DOP1A: variants seen among roughly 807,000 people sequenced by gnomAD.
The protein encoded by DOP1A is DOP1 leucine zipper like protein A, also known as protein DOP1A.
DOP1A carries 90 observed loss-of-function variants against 267.6 expected under a neutral mutation model. The observed-to-expected ratio is 0.34, with a 90% CI of 0.28 to 0.40. The LOEUF (loss-of-function observed/expected upper bound fraction) is 0.40. DOP1A is among the 10% of genes least tolerant of loss of function. DOP1A has a pLI of 1.00. For missense variants in DOP1A, 2,437 were observed against 2,900.4 expected, an observed-to-expected ratio of 0.84 and a Z score of 3.67; for synonymous variants, 932 against 999.1, an observed-to-expected ratio of 0.93 and a Z score of 1.27.
intron 1 of DOP1A, among the ~76,000 whole-genome samples, chr6:83,086,080 C>A (rs536698029): frequency 6.6e-6 from 1 of 151,802 alleles, no homozygotes; most frequent in Non-Finnish European, 1.5e-5. Flanking sequence ...TAGGAGATAA[C>A]CTAAAGGGAA....
rs1244161996 is a variant in DOP1A at position 83,138,014 on chromosome 6, C to A, written c.3972C>A (p.Phe1324Leu). Residue 1324 changes from phenylalanine to leucine, a missense_variant, in exon 21 of 39, where the codon TTC becomes TTA. Coordinates refer to ENST00000349129, the MANE Select transcript of DOP1A (RefSeq NM_015018.4). ...AAAAACTCAAACAAACCAGTGTATT[C>A]TTCAGTGATGGTCTGGATTTAGAGA... ...SNEKLKQTSV[F>L]FSDGLDLENW... is the part of the protein sequence containing the mutation. The A allele has an allele frequency of 3.7e-6, 6 of 1,609,300 alleles. No individual in the cohort carries two copies. Among genetic ancestry groups the A allele is most frequent in the Non-Finnish European group, 5.1e-6 (6 of 1,178,352 alleles).
intron 1 of DOP1A, among the ~76,000 whole-genome samples, chr6:83,096,518 T>G (rs1259909210): frequency 6.6e-6 from 1 of 151,226 alleles, no homozygotes; most frequent in East Asian, 1.9e-4. Flanking sequence ...ATTTATTTGT[T>G]TTTCTTTCTT....
chr6:83,110,382 A>T (rs1162715918), intron 6 of DOP1A, 68 bp downstream of exon 6: 2 of 1,464,756 alleles, frequency 1.4e-6, no homozygotes, highest in Non-Finnish European at 1.9e-6. Flanking sequence ...TTCCAGACAT[A>T]TATTGAGGAT....
intron 3 of DOP1A, among the ~76,000 whole-genome samples, chr6:83,100,361 A>G (rs117925072): frequency 8.8e-4 from 134 of 152,296 alleles, no homozygotes; most frequent in Non-Finnish European, 1.7e-3. Flanking sequence ...TTTCCATGTT[A>G]CATGTTCATG....
rs546897820 is a variant in DOP1A, at chr6:83,114,414, G to C, written c.780+993G>C. ...CTAAATTTACCAATGCTCTATTATAGGGATGGCCAAACAGCAGCTCATAAG... is the reference window on the plus strand; with the variant it reads ...CTAAATTTACCAATGCTCTATTATACGGATGGCCAAACAGCAGCTCATAAG... On this transcript the variant is annotated intron_variant, in intron 7 of 38. Coordinates refer to ENST00000349129, the MANE Select transcript of DOP1A (RefSeq NM_015018.4). Among the ~76,000 whole-genome samples, 9 of 152,182 alleles carry C rather than the reference G, an allele frequency of 5.9e-5. No individual in the cohort carries two copies. In the South Asian group the frequency reaches 1.9e-3, roughly 32 times the overall value.
At chr6:83,145,970 T>C (rs986635824) in intron 25 of DOP1A, among the ~76,000 whole-genome samples, 1 of 152,194 alleles carries the variant, frequency 6.6e-6, no homozygotes, top group Non-Finnish European at 1.5e-5. Context: ...AAGCCAGAGC[T>C]CAAGATTTGC....
intron 4 of DOP1A, among the ~76,000 whole-genome samples, chr6:83,102,668 G>A (rs190135839): frequency 9.6e-4 from 146 of 152,166 alleles, no homozygotes; most frequent in Admixed American, 2.0e-4. Flanking sequence ...CTTCTACCCT[G>A]TTCTCCACAT....
chr6:83,132,746 A>T (rs1175634174), intron 18 of DOP1A, among the ~76,000 whole-genome samples: 1 of 152,186 alleles, frequency 6.6e-6, no homozygotes, highest in African/African-American at 2.4e-5. Flanking sequence ...GAATGCTAAT[A>T]TGTGAGATTA....
Position 83,168,144 on chromosome 6 carries a change from C to A in DOP1A, c.7375C>A (p.Leu2459Met), listed in dbSNP as rs544688632. The change falls in exon 39 of 39, where the codon CTG becomes ATG. Residue 2459 changes from leucine (L) to methionine (M), a missense_variant. Transcript: ENST00000349129. ...AGAAGAGATGGTAGAAAAAGATTTT[C>A]TGGAAGGGATGATAAAAACTTGAGC... ...KIEEMVEKDF[L>M]EGMIKT 17 of 1,612,500 alleles carry A rather than the reference C, an allele frequency of 1.1e-5. No individual in the cohort carries two copies. In the African/African-American group the frequency reaches 2.1e-4, roughly 20 times the overall value.
chr6:83,099,678 A>ATGTG (rs1491456034), intron 3 of DOP1A, among the ~76,000 whole-genome samples: 12 of 136,024 alleles, frequency 8.8e-5, no homozygotes, highest in South Asian at 2.4e-4. Flanking sequence ...CAAGGATTGC[A>ATGTG]TATGTGTGTG....
Position 83,085,012 on chromosome 6 carries a change from A to G in DOP1A, c.-146-11719A>G, listed in dbSNP as rs141345632. Among the ~76,000 whole-genome samples, 605 of 152,320 alleles carry G rather than the reference A, an allele frequency of 4.0e-3. 2 individuals are homozygous for G. Among genetic ancestry groups the G allele is most frequent in the African/African-American group, 0.014 (570 of 41,586 alleles). ...TTAAAAGTGTAACTGGAATGTACAC[A>G]TTTTTATAAATGTTCTTAGGCAATC... On this transcript the variant is annotated intron_variant, in intron 1 of 38. Coordinates refer to ENST00000349129, the MANE Select transcript of DOP1A (RefSeq NM_015018.4).
In DOP1A at chr6:83,138,152, C is replaced by T. The variant is rs766485979; in HGVS notation, c.4110C>T (p.Leu1370=). The change falls in exon 21 of 39, where the codon CTC becomes CTT. Residue 1370 remains leucine (L), a synonymous_variant. Transcript: ENST00000349129. ...FNIHPLYQHV[L]LYLQLYDSSR... ...TTCATCCTCTCTATCAACATGTGCT[C>T]CTGTATCTCCAGTTGTATGATTCAT... is the stretch of plus-strand genomic sequence containing the variant. The T allele has an allele frequency of 1.1e-5, 17 of 1,613,806 alleles. No individual in the cohort carries two copies. The highest frequency in any genetic ancestry group is 5.3e-5 in the African/African-American group (4 of 74,892).
At chr6:83,136,668 C>A (rs1778906523) in intron 20 of DOP1A, among the ~76,000 whole-genome samples, 1 of 152,064 alleles carries the variant, frequency 6.6e-6, no homozygotes, top group Non-Finnish European at 1.5e-5. Context: ...CTTTTCTATT[C>A]CTTCTTCTGA....
intron 4 of DOP1A, among the ~76,000 whole-genome samples, chr6:83,106,341 GAGC>G (rs955468895): frequency 1.3e-5 from 2 of 152,170 alleles, no homozygotes; most frequent in Non-Finnish European, 2.9e-5. Flanking sequence ...AGATACTATA[GAGC>G]AGTCAGCATT....
At chr6:83,083,313 T>A (rs575836409) in intron 1 of DOP1A, among the ~76,000 whole-genome samples, 2 of 151,944 alleles carry the variant, frequency 1.3e-5, no homozygotes, top group South Asian at 4.1e-4. Context: ...TTTTTTTAAG[T>A]ACAATTTCTA....
intron 4 of DOP1A, among the ~76,000 whole-genome samples, chr6:83,104,514 A>G (rs1325342032): frequency 6.6e-6 from 1 of 152,050 alleles, no homozygotes; most frequent in Admixed American, 6.5e-5. Context: ...GTTTTCTAGT[A>G]TATGTTAACT....
chr6:83,151,926 GTTC>G lies in DOP1A; in HGVS notation c.5953_5955del (p.Ser1985del), dbSNP rs1781763732. 1.2e-6 allele frequency: 2 copies of G among 1,613,598 alleles called. No individual in the cohort carries two copies. The highest frequency in any genetic ancestry group is 1.3e-5 in the African/African-American group (1 of 74,862). ...GTGGATGCAATTGGTGCAATTGCTGGTTCTTCTCTGGAACAGACAACATGGCTG... is the reference window on the plus strand; with the variant it reads ...GTGGATGCAATTGGTGCAATTGCTGGTTCTCTGGAACAGACAACATGGCTG... On this transcript the variant is annotated inframe_deletion, in exon 29 of 39. Coordinates refer to ENST00000349129, the MANE Select transcript of DOP1A (RefSeq NM_015018.4).
intron 4 of DOP1A, among the ~76,000 whole-genome samples, chr6:83,103,476 A>C (rs1772979410): frequency 6.6e-6 from 1 of 152,188 alleles, no homozygotes; most frequent in Non-Finnish European, 1.5e-5. Flanking sequence ...TCCCCAAAAA[A>C]ACCATTAAAA....
intron 4 of DOP1A, among the ~76,000 whole-genome samples, chr6:83,105,531 AT>A (rs1376332853): frequency 2.0e-5 from 3 of 151,756 alleles, no homozygotes; most frequent in African/African-American, 7.2e-5. Context: ...TACCCAGCTA[AT>A]TTTTGTATTT....
Sources: allele counts gnomAD v4.1 joint callset (sites outside exome capture counted in the v4.1 genomes callset), GRCh38; gene constraint gnomAD v4.1.1; transcripts MANE v1.5; gene names NCBI Gene and HGNC (gene_info 2026-07-23, HGNC 2026-07-21).